Variants in ARMH3 observed in about 807,000 individuals in gnomAD.
The protein encoded by ARMH3 is armadillo-like helical domain-containing protein 3.
A neutral mutation model predicts 99.1 loss-of-function variants in ARMH3; 60 were observed. The observed-to-expected ratio is 0.61, with a 90% CI of 0.49 to 0.75. ARMH3 has a LOEUF of 0.75. Ranked by LOEUF, ARMH3 falls within the 30% of genes least tolerant of loss-of-function variation. ARMH3 has a pLI of 0.00. For synonymous variants in ARMH3, 285 were observed against 292.8 expected (o/e 0.97, Z 0.27); for missense variants, 679 against 843.1 (o/e 0.81, Z 2.41).
chr10:101,883,731 C>G (rs889228896), intron 24 of ARMH3, among the ~76,000 whole-genome samples: 1 of 152,084 alleles, frequency 6.6e-6, no homozygotes. Context: ...GGTGCTCATG[C>G]CTATAACCCC....
intron 16 of ARMH3, 145 bp from the exon 17 acceptor site, chr10:101,993,748 G>A (rs1490330841): frequency 4.0e-6 from 2 of 503,746 alleles, no homozygotes; most frequent in Non-Finnish European, 6.9e-6. Context: ...AGAGCCTTAT[G>A]TCAAACCCTA....
At chr10:101,861,171 T>C (rs1390408105) in intron 24 of ARMH3, among the ~76,000 whole-genome samples, 2 of 151,840 alleles carry the variant, frequency 1.3e-5, no homozygotes, top group African/African-American at 4.8e-5. Flanking sequence ...ATGAAACTAG[T>C]GTTAAAGGAA....
chr10:102,015,368 AGTAGACT>A lies in ARMH3; in HGVS notation c.670-1351_670-1345del, dbSNP rs1234603937. 1.5e-4 allele frequency among the ~76,000 whole-genome samples: 23 copies of A among 152,050 alleles called. 1 individual carries two copies. In the East Asian group the frequency reaches 4.3e-3, roughly 28 times the overall value. ...TTTTTGAAGGTTCTAGTCACCCAAA[AGTAGACT>A]GTTTAAGGTTTTGGGATTTTTTTTT... On this transcript the variant is annotated intron_variant, in intron 8 of 25. Transcript: ENST00000370033.
At chr10:101,919,422 C>T (rs148990444) in intron 23 of ARMH3, among the ~76,000 whole-genome samples, 2 of 152,234 alleles carry the variant, frequency 1.3e-5, no homozygotes, top group African/African-American at 4.8e-5. Context: ...ACATTCGAGA[C>T]TAGATGAACA....
intron 17 of ARMH3, among the ~76,000 whole-genome samples, chr10:101,992,609 A>C (rs953245013): frequency 1.3e-5 from 2 of 151,042 alleles, no homozygotes; most frequent in African/African-American, 4.9e-5. Context: ...CATTCTCCTG[A>C]CTCAGCCTCT....
chr10:102,000,667 G>A (rs1025264482), intron 15 of ARMH3, among the ~76,000 whole-genome samples: 1 of 144,626 alleles, frequency 6.9e-6, no homozygotes, highest in Non-Finnish European at 1.5e-5. Flanking sequence ...CTACTCAGGA[G>A]CCTGAGGTGG....
At chr10:101,923,822 T>C (rs962231965) in intron 23 of ARMH3, among the ~76,000 whole-genome samples, 2 of 152,232 alleles carry the variant, frequency 1.3e-5, no homozygotes, top group African/African-American at 4.8e-5. Flanking sequence ...TTGTCATCCC[T>C]GACTTTTCCA....
chr10:101,882,368 G>A (rs993065337), intron 24 of ARMH3, among the ~76,000 whole-genome samples: 4 of 152,200 alleles, frequency 2.6e-5, no homozygotes, highest in East Asian at 1.9e-4. Flanking sequence ...GGAAGTAAGA[G>A]CAGATATAAA....
intron 23 of ARMH3, among the ~76,000 whole-genome samples, chr10:101,936,233 C>A (rs1843967358): frequency 6.6e-6 from 1 of 152,082 alleles, no homozygotes; most frequent in Non-Finnish European, 1.5e-5. Context: ...GTGGCTCATG[C>A]CTGTAATCCC....
At chr10:102,037,654 C>T (rs1214879461) in intron 2 of ARMH3, among the ~76,000 whole-genome samples, 1 of 152,088 alleles carries the variant, frequency 6.6e-6, no homozygotes. Context: ...CTAGCTGCTG[C>T]CTTGAACTCC....
At chr10:101,995,778 T>C (rs866210468) in intron 15 of ARMH3, among the ~76,000 whole-genome samples, 2 of 152,184 alleles carry the variant, frequency 1.3e-5, no homozygotes, top group Non-Finnish European at 2.9e-5. Context: ...TCATGACTGC[T>C]CATAGCAAAC....
chr10:101,987,683 G>A (rs116615099), intron 19 of ARMH3, among the ~76,000 whole-genome samples: 1,834 of 152,190 alleles, frequency 0.012, 31 homozygotes, highest in African/African-American at 0.039. Flanking sequence ...CTGGGCTCTC[G>A]CTCCCCTTTT....
chr10:101,962,059 A>T (rs565643675), intron 20 of ARMH3, among the ~76,000 whole-genome samples: 1 of 152,344 alleles, frequency 6.6e-6, no homozygotes, highest in Admixed American at 6.5e-5. Flanking sequence ...CTGGTCTGAG[A>T]GATTTCCAAC....
chr10:102,005,535 A>G (rs1377741331), intron 14 of ARMH3, among the ~76,000 whole-genome samples: 2 of 152,176 alleles, frequency 1.3e-5, no homozygotes, highest in African/African-American at 4.8e-5. Context: ...CACGGGTGGT[A>G]TATGAAAACT....
At chr10:102,014,109 C>T in intron 8 of ARMH3, 85 bp from the exon 9 acceptor site, 1 of 1,069,872 alleles carries the variant, frequency 9.3e-7, no homozygotes, top group Admixed American at 2.2e-5. Context: ...AACAAAAATG[C>T]TTCCATAAGG....
chr10:101,960,151 T>C (rs747886130), intron 20 of ARMH3, among the ~76,000 whole-genome samples: 8 of 151,834 alleles, frequency 5.3e-5, no homozygotes, highest in Admixed American at 1.3e-4. Flanking sequence ...GCACTCCACC[T>C]TGGGCGACAG....
intron 23 of ARMH3, among the ~76,000 whole-genome samples, chr10:101,901,761 G>C (rs770997344): frequency 2.6e-5 from 4 of 152,198 alleles, no homozygotes; most frequent in Non-Finnish European, 4.4e-5. Context: ...GGGGGGCTGG[G>C]TAGCAGTTAT....
intron 18 of ARMH3, among the ~76,000 whole-genome samples, chr10:101,991,184 T>A (rs915356588): frequency 1.3e-5 from 2 of 152,214 alleles, no homozygotes; most frequent in African/African-American, 4.8e-5. Flanking sequence ...TGAAATGGGA[T>A]TAAGAATTCA....
intron 8 of ARMH3, among the ~76,000 whole-genome samples, chr10:102,022,711 G>A (rs2066913694): frequency 1.3e-5 from 2 of 148,610 alleles, no homozygotes; most frequent in East Asian, 4.2e-4. Flanking sequence ...CTCCCGAGTA[G>A]CTGGGACCAC....
Sources: allele counts gnomAD v4.1 joint callset (sites outside exome capture counted in the v4.1 genomes callset), GRCh38; gene constraint gnomAD v4.1.1; transcripts MANE v1.5; gene names NCBI Gene and HGNC (gene_info 2026-07-23, HGNC 2026-07-21).